The following NRIP1 variants were observed in gnomAD, a reference collection of about 807,000 sequenced individuals.
NRIP1 encodes the protein nuclear receptor interacting protein 1, also known as nuclear receptor-interacting protein 1.
Under a neutral mutation model 75.0 loss-of-function variants are expected in NRIP1, and 28 were observed. That is an observed-to-expected ratio of 0.37 (90% CI 0.28 to 0.51). The LOEUF (loss-of-function observed/expected upper bound fraction) is 0.51, where lower values mean the gene tolerates loss of function less well. NRIP1 is among the 20% of genes least tolerant of loss of function. The probability of loss-of-function intolerance (pLI) is 0.92; values close to 1 mark genes in which losing one functional copy is unlikely to be tolerated. For synonymous variants in NRIP1, 526 were observed against 487.6 expected, an observed-to-expected ratio of 1.08 and a Z score of -1.04; for missense variants, 1,435 against 1,343.7, an observed-to-expected ratio of 1.07 and a Z score of -1.06.
intron 3 of NRIP1, among the ~76,000 whole-genome samples, chr21:14,989,440 C>T (rs961397299): frequency 6.6e-6 from 1 of 152,148 alleles, no homozygotes; most frequent in African/African-American, 2.4e-5. Context: ...ATTATCCAAA[C>T]TGTGTAGGAA....
chr21:14,986,556 A>T (rs2087410306), intron 3 of NRIP1, among the ~76,000 whole-genome samples: 1 of 152,204 alleles, frequency 6.6e-6, no homozygotes, highest in Non-Finnish European at 1.5e-5. Flanking sequence ...GAAGGCTAAA[A>T]AGTCATGTGG....
intron 2 of NRIP1, among the ~76,000 whole-genome samples, chr21:15,030,494 A>G (rs1353711947): frequency 1.3e-5 from 2 of 152,146 alleles, no homozygotes; most frequent in African/African-American, 4.8e-5. Flanking sequence ...ATAAAACAAG[A>G]TATTTCAATG....
At chr21:15,022,871 T>A (rs1376881668) in intron 2 of NRIP1, among the ~76,000 whole-genome samples, 1 of 152,120 alleles carries the variant, frequency 6.6e-6, no homozygotes, top group African/African-American at 2.4e-5. Flanking sequence ...ATGTGATAAA[T>A]CCATACAGTG....
intron 3 of NRIP1, 86 bp from the exon 4 acceptor site, chr21:14,968,612 T>C (rs1173237710): frequency 1.2e-5 from 2 of 162,482 alleles, no homozygotes; most frequent in African/African-American, 4.8e-5. Context: ...ATAGCATCTG[T>C]AAATGTATAT....
At chr21:15,016,928 GAGAAAGAAAGAAAGAAAAGAAGAAAGACA>G (rs2088245508) in intron 2 of NRIP1, among the ~76,000 whole-genome samples, 1 of 144,792 alleles carries the variant, frequency 6.9e-6, no homozygotes, top group Non-Finnish European at 1.5e-5. Flanking sequence ...GAGAGAGAGA[GAGAAAGAAAGAAAGAAAAGAAGAAAGACA>G]AGAAAGAAAG....
At chr21:15,046,708 A>G (rs56175712) in intron 1 of NRIP1, among the ~76,000 whole-genome samples, 43,902 of 152,094 alleles carry the variant, frequency 0.29, 7,900 homozygotes, top group South Asian at 0.45. Context: ...AGGCTGTTTC[A>G]TTTACACTGA....
chr21:15,032,313 A>G (rs1225512856), intron 2 of NRIP1, among the ~76,000 whole-genome samples: 2 of 152,228 alleles, frequency 1.3e-5, no homozygotes, highest in African/African-American at 4.8e-5. Context: ...GAAAATTCTA[A>G]TAAACTCCTT....
At chr21:15,062,125 A>G (rs1317227892) in intron 1 of NRIP1, among the ~76,000 whole-genome samples, 3 of 152,208 alleles carry the variant, frequency 2.0e-5, no homozygotes, top group Admixed American at 2.0e-4. Flanking sequence ...CTCAGGCTAC[A>G]CCACTTAAAG....
At chr21:15,023,024 T>C (rs1316618118) in intron 2 of NRIP1, among the ~76,000 whole-genome samples, 1 of 152,096 alleles carries the variant, frequency 6.6e-6, no homozygotes, top group Non-Finnish European at 1.5e-5. Context: ...GGCAAATTAA[T>C]CTAGACAGAA....
intron 2 of NRIP1, among the ~76,000 whole-genome samples, chr21:15,024,098 T>A (rs1237638273): frequency 6.6e-6 from 1 of 152,242 alleles, no homozygotes; most frequent in Admixed American, 6.5e-5. Flanking sequence ...CTTTATGATC[T>A]CATAGTAGGA....
At chr21:14,988,914 GA>G (rs2087487882) in intron 3 of NRIP1, among the ~76,000 whole-genome samples, 1 of 152,116 alleles carries the variant, frequency 6.6e-6, no homozygotes, top group South Asian at 2.1e-4. Flanking sequence ...GAGAGAAGCA[GA>G]GATGAGGGAG....
intron 2 of NRIP1, among the ~76,000 whole-genome samples, chr21:15,033,145 A>AG: frequency 6.6e-6 from 1 of 151,616 alleles, no homozygotes; most frequent in South Asian, 2.1e-4. Flanking sequence ...GAATGGCGTG[A>AG]ACCTGGGAGG....
At chr21:14,982,150 C>T (rs2087254814) in intron 3 of NRIP1, among the ~76,000 whole-genome samples, 1 of 152,128 alleles carries the variant, frequency 6.6e-6, no homozygotes, top group African/African-American at 2.4e-5. Flanking sequence ...ATGCTCGGTC[C>T]TAGTTCATTC....
chr21:15,061,703 A>G (rs765538855), intron 1 of NRIP1, among the ~76,000 whole-genome samples: 1 of 152,206 alleles, frequency 6.6e-6, no homozygotes, highest in Non-Finnish European at 1.5e-5. Context: ...CTTTTCCCAA[A>G]CAACAGTTAG....
chr21:15,003,692 A>T (rs1400255832), intron 3 of NRIP1, among the ~76,000 whole-genome samples: 1 of 152,226 alleles, frequency 6.6e-6, no homozygotes, highest in African/African-American at 2.4e-5. Context: ...GGCTTGCTAC[A>T]AGGGGAGAAT....
At chr21:15,003,264 C>T (rs973138861) in intron 3 of NRIP1, among the ~76,000 whole-genome samples, 1 of 152,020 alleles carries the variant, frequency 6.6e-6, no homozygotes, top group East Asian at 1.9e-4. Flanking sequence ...AAATTAAGAA[C>T]AAAATACTCA....
At chr21:15,064,409 G>C (rs1978656923) in intron 1 of NRIP1, among the ~76,000 whole-genome samples, 1 of 152,178 alleles carries the variant, frequency 6.6e-6, no homozygotes, top group Non-Finnish European at 1.5e-5. Flanking sequence ...GAGAGGGCAA[G>C]CGAGCGGGGG....
intron 3 of NRIP1, among the ~76,000 whole-genome samples, chr21:14,976,133 A>C (rs947330566): frequency 5.9e-5 from 9 of 152,206 alleles, no homozygotes; most frequent in African/African-American, 1.7e-4. Context: ...ACTACTTAAC[A>C]ATGTTAAAAT....
chr21:15,019,232 T>C (rs185295716), intron 2 of NRIP1, among the ~76,000 whole-genome samples: 1 of 149,794 alleles, frequency 6.7e-6, no homozygotes, highest in East Asian at 1.9e-4. Context: ...ATCATACTAA[T>C]GGTGAAAGAC....
Sources: gnomAD v4.1 joint callset for allele counts (sites outside exome capture counted in the v4.1 genomes callset) on GRCh38, gnomAD v4.1.1 for gene constraint, MANE v1.5 for transcripts, NCBI Gene and HGNC (gene_info 2026-07-23, HGNC 2026-07-21) for gene names.